FSTL4: variants seen among roughly 807,000 people sequenced by gnomAD.
FSTL4 encodes follistatin-related protein 4.
In FSTL4, 28 loss-of-function variants were observed where a neutral mutation model predicts 78.2. The ratio of observed to expected loss-of-function variants is 0.36; its 90% CI spans 0.27 to 0.49. The LOEUF is 0.49. Among genes scored for constraint, FSTL4 ranks in the 20% least tolerant of loss-of-function variants. The pLI is 0.98. For synonymous variants in FSTL4, 422 were observed against 440.5 expected, an observed-to-expected ratio of 0.96 and a Z score of 0.53; for missense variants, 922 against 1,084.9, an observed-to-expected ratio of 0.85 and a Z score of 2.11.
the FSTL4 span, among the ~76,000 whole-genome samples, chr5:133,713,277 G>C: frequency 1.3e-5 from 2 of 152,198 alleles, no homozygotes; most frequent in African/African-American, 2.4e-5. Context: ...AATAAATTAT[G>C]AGTTGGTATA....
intron 3 of FSTL4, among the ~76,000 whole-genome samples, chr5:133,535,198 T>C (rs1472401066): frequency 1.3e-5 from 2 of 152,186 alleles, no homozygotes; most frequent in Non-Finnish European, 2.9e-5. Flanking sequence ...CTGGTCAGCA[T>C]CCTGATCTTG....
intron 6 of FSTL4, among the ~76,000 whole-genome samples, chr5:133,285,760 G>A (rs992012295): frequency 3.2e-4 from 48 of 152,174 alleles, no homozygotes; most frequent in African/African-American, 1.2e-3. Flanking sequence ...TGGCTCCTTC[G>A]CTGCCCCAGC....
intron 14 of FSTL4, among the ~76,000 whole-genome samples, chr5:133,204,141 G>A (rs1750417490): frequency 6.6e-6 from 1 of 152,226 alleles, no homozygotes. Context: ...AGTGGCATGT[G>A]GAGGGGTGGG....
At chr5:133,353,534 A>G (rs916708571) in intron 4 of FSTL4, among the ~76,000 whole-genome samples, 1 of 151,642 alleles carries the variant, frequency 6.6e-6, no homozygotes, top group Non-Finnish European at 1.5e-5. Context: ...CATTTCTCAG[A>G]TGGAAATAAC....
chr5:133,295,441 G>T (rs1369757682), intron 6 of FSTL4, among the ~76,000 whole-genome samples: 1 of 152,106 alleles, frequency 6.6e-6, no homozygotes, highest in East Asian at 1.9e-4. Flanking sequence ...CAGACATGCC[G>T]GTTGCTCACG....
chr5:133,754,461 A>G, the FSTL4 span, among the ~76,000 whole-genome samples: 1 of 152,258 alleles, frequency 6.6e-6, no homozygotes, highest in Non-Finnish European at 1.5e-5. Flanking sequence ...ACAAAAATTC[A>G]CAATGGCAGA....
At chr5:133,358,597 T>TC (rs1470321609) in intron 4 of FSTL4, among the ~76,000 whole-genome samples, 11 of 147,526 alleles carry the variant, frequency 7.5e-5, no homozygotes, top group Non-Finnish European at 1.2e-4. Flanking sequence ...ATTTCTTTTT[T>TC]TTTTTTTTTT....
At chr5:133,350,174 T>A (rs13169608) in intron 4 of FSTL4, among the ~76,000 whole-genome samples, 4 of 148,830 alleles carry the variant, frequency 2.7e-5, no homozygotes, top group Admixed American at 6.7e-5. Flanking sequence ...GGCTGCCATG[T>A]GACTGTAAAG....
intron 2 of FSTL4, among the ~76,000 whole-genome samples, chr5:133,575,689 T>C (rs1760261296): frequency 6.6e-6 from 1 of 152,154 alleles, no homozygotes. Context: ...AGGAGTGAAA[T>C]TCATTGACAT....
the FSTL4 span, among the ~76,000 whole-genome samples, chr5:133,622,132 G>A: frequency 6.7e-3 from 1,016 of 151,636 alleles, 9 homozygotes; most frequent in African/African-American, 0.023. Context: ...AGAATGCTAT[G>A]TAAAGGGAAT....
intron 8 of FSTL4, 64 bp downstream of exon 8, chr5:133,233,353 G>A: frequency 6.3e-7 from 1 of 1,578,858 alleles, no homozygotes; most frequent in South Asian, 1.1e-5. Flanking sequence ...GGGGGCGAGG[G>A]TTGATCTGAG....
chr5:133,303,030 C>T (rs1015807897), intron 6 of FSTL4, among the ~76,000 whole-genome samples: 9 of 152,244 alleles, frequency 5.9e-5, no homozygotes, highest in Admixed American at 3.9e-4. Flanking sequence ...GCCATAACCA[C>T]CCTGCCAGCT....
At chr5:133,592,554 C>T (rs991808887) in intron 2 of FSTL4, among the ~76,000 whole-genome samples, 11 of 152,128 alleles carry the variant, frequency 7.2e-5, no homozygotes, top group Non-Finnish European at 1.3e-4. Context: ...GGATGTTTGT[C>T]CCCCGCCAAA....
chr5:133,264,745 T>C (rs1752607357), intron 6 of FSTL4, among the ~76,000 whole-genome samples: 1 of 152,244 alleles, frequency 6.6e-6, no homozygotes, highest in Admixed American at 6.5e-5. Context: ...AACCCTATCA[T>C]GTCATGTATG....
chr5:133,464,379 A>C (rs1187101361), intron 3 of FSTL4, among the ~76,000 whole-genome samples: 1 of 152,242 alleles, frequency 6.6e-6, no homozygotes, highest in Non-Finnish European at 1.5e-5. Context: ...TGAGAAAGAC[A>C]GTCCCACCCC....
the FSTL4 span, among the ~76,000 whole-genome samples, chr5:133,775,566 T>C: frequency 2.0e-4 from 31 of 152,320 alleles, no homozygotes; most frequent in African/African-American, 7.0e-4. Flanking sequence ...ATTCACTGAA[T>C]CATAAAATTG....
chr5:133,531,117 C>G (rs1036153203), intron 3 of FSTL4, among the ~76,000 whole-genome samples: 3 of 152,214 alleles, frequency 2.0e-5, no homozygotes, highest in Non-Finnish European at 2.9e-5. Context: ...ACGGACTGAC[C>G]CCTCCTTGTG....
At chr5:133,476,777 C>T (rs577871085) in intron 3 of FSTL4, among the ~76,000 whole-genome samples, 2 of 152,278 alleles carry the variant, frequency 1.3e-5, no homozygotes, top group South Asian at 4.1e-4. Context: ...AGAGCTTGTC[C>T]TTTCTCTGTA....
At chr5:133,541,939 C>CACACACACACACACACACAG (rs1361344170) in intron 3 of FSTL4, among the ~76,000 whole-genome samples, 9 of 151,936 alleles carry the variant, frequency 5.9e-5, no homozygotes, top group Non-Finnish European at 2.9e-5. Context: ...CACACACACA[C>CACACACACACACACACACAG]ACACACACAC....
Sources: allele counts gnomAD v4.1 joint callset (sites outside exome capture counted in the v4.1 genomes callset), GRCh38; gene constraint gnomAD v4.1.1; transcripts MANE v1.5; gene names NCBI Gene and HGNC (gene_info 2026-07-23, HGNC 2026-07-21).